Variants in PAPPA2 observed in about 807,000 individuals in gnomAD.
PAPPA2 encodes pappalysin-2.
In PAPPA2, 86 loss-of-function variants were observed where a neutral mutation model predicts 176.4. The observed-to-expected ratio is 0.49, with a 90% CI of 0.41 to 0.58. The LOEUF (loss-of-function observed/expected upper bound fraction) is 0.58, where lower values mean the gene tolerates loss of function less well. PAPPA2 is among the 20% of genes least tolerant of loss of function. The pLI is 0.00. For missense variants in PAPPA2, 2,073 were observed against 2,256.9 expected (o/e 0.92, Z 1.65); for synonymous variants, 809 against 852.2 (o/e 0.95, Z 0.88).
chr1:176,623,655 CTTTCTTTCTTTCTT>C (rs879399660), intron 3 of PAPPA2, among the ~76,000 whole-genome samples: 3,142 of 132,330 alleles, frequency 0.024, 67 homozygotes, highest in Middle Eastern at 0.038. Context: ...TTCTTTCTTT[CTTTCTTTCTTTCTT>C]TTTCTTTCTT....
chr1:176,593,808 G>A (rs886338805), intron 2 of PAPPA2, among the ~76,000 whole-genome samples: 2 of 152,214 alleles, frequency 1.3e-5, no homozygotes, highest in African/African-American at 2.4e-5. Flanking sequence ...TACTGCGGTG[G>A]GTGGTATTGG....
At chr1:176,641,131 T>G (rs1459330341) in intron 3 of PAPPA2, among the ~76,000 whole-genome samples, 14 of 151,154 alleles carry the variant, frequency 9.3e-5, no homozygotes, top group South Asian at 2.1e-4. Context: ...TTTCTCCCAT[T>G]TTGTAGGTTG....
chr1:176,845,514 T>G lies in PAPPA2; in HGVS notation c.*3060T>G, dbSNP rs1667630888. ...TGATTGGGAATGTAGTGAAAGGAGC[T>G]GATCTACTGTATTGTAATGTAAAAC... On this transcript the variant is annotated 3_prime_UTR_variant, in exon 23 of 23. Coordinates refer to ENST00000367662, the MANE Select transcript of PAPPA2 (RefSeq NM_020318.3). The G allele has an allele frequency of 6.6e-6, 1 of 152,228 alleles. No homozygotes were observed. 9.4% of individuals were successfully genotyped at this position (152,228 alleles called of 1,614,324 possible).
At chr1:176,833,048 C>A (rs1005780373) in intron 21 of PAPPA2, among the ~76,000 whole-genome samples, 2 of 152,174 alleles carry the variant, frequency 1.3e-5, no homozygotes, top group Non-Finnish European at 2.9e-5. Flanking sequence ...TGAGAGGCCA[C>A]ACAAGTAGAC....
intron 12 of PAPPA2, among the ~76,000 whole-genome samples, chr1:176,733,592 A>G (rs1662262556): frequency 6.6e-6 from 1 of 152,108 alleles, no homozygotes; most frequent in African/African-American, 2.4e-5. Context: ...TGGGATAGCA[A>G]TGTTTTTTTA....
In PAPPA2 at chr1:176,690,150, C is replaced by T; in HGVS notation, c.2151C>T (p.Leu717=). 6.2e-7 allele frequency: 1 copy of T among 1,607,914 alleles called. No homozygotes were observed. Among genetic ancestry groups the T allele is most frequent in the Non-Finnish European group, 8.5e-7 (1 of 1,174,994 alleles). The change falls in exon 5 of 23, where the codon CTC becomes CTT. Residue 717 remains leucine (L), a synonymous_variant. Transcript: ENST00000367662. ...CTTTCATTGCAGGTGGCATTGTCCT[C>T]AGCCCAGCATATTATGGGATGCCTG... is the stretch of plus-strand genomic sequence containing the variant. ...DAVTHLGGIV[L]SPAYYGMPGH... is the part of the protein sequence containing the mutation.
At chr1:176,838,541 T>C (rs972799523) in intron 21 of PAPPA2, among the ~76,000 whole-genome samples, 6 of 152,214 alleles carry the variant, frequency 3.9e-5, no homozygotes, top group African/African-American at 1.4e-4. Context: ...TCCGTAGATG[T>C]ATCCAGTCAT....
At chr1:176,747,294 T>A (rs1383949449) in intron 14 of PAPPA2, among the ~76,000 whole-genome samples, 2 of 152,228 alleles carry the variant, frequency 1.3e-5, no homozygotes, top group East Asian at 3.8e-4. Context: ...ACTTGTAAAT[T>A]CAGGCTCCAA....
chr1:176,583,670 C>T (rs1433119894), intron 2 of PAPPA2, among the ~76,000 whole-genome samples: 3 of 152,146 alleles, frequency 2.0e-5, no homozygotes, highest in African/African-American at 7.2e-5. Context: ...AACTCCTGGG[C>T]TCAAGTGAGC....
intron 2 of PAPPA2, among the ~76,000 whole-genome samples, chr1:176,577,289 C>T (rs1383436557): frequency 6.6e-6 from 1 of 152,164 alleles, no homozygotes; most frequent in Non-Finnish European, 1.5e-5. Flanking sequence ...GCTCTCCCTG[C>T]AAATCTGCTT....
At chr1:176,722,515 A>G (rs1558542611) in intron 12 of PAPPA2, among the ~76,000 whole-genome samples, 1 of 150,514 alleles carries the variant, frequency 6.6e-6, no homozygotes, top group Non-Finnish European at 1.5e-5. Flanking sequence ...CCACATTGAC[A>G]GTCTTTGAAG....
chr1:176,529,980 A>G (rs149089412), intron 1 of PAPPA2, among the ~76,000 whole-genome samples: 6 of 152,298 alleles, frequency 3.9e-5, no homozygotes, highest in African/African-American at 1.4e-4. Flanking sequence ...CCAAAGCTTA[A>G]TGTACAGGGA....
chr1:176,576,822 C>T (rs140387851), intron 2 of PAPPA2, among the ~76,000 whole-genome samples: 61 of 152,132 alleles, frequency 4.0e-4, no homozygotes, highest in East Asian at 2.1e-3. Flanking sequence ...GCTCCAGACT[C>T]GTCTTTCCGG....
At chr1:176,685,438 T>G (rs1659791741) in intron 4 of PAPPA2, among the ~76,000 whole-genome samples, 1 of 152,206 alleles carries the variant, frequency 6.6e-6, no homozygotes, top group Non-Finnish European at 1.5e-5. Context: ...GAGAGAAGCT[T>G]CTGCCCATTG....
chr1:176,595,295 G>T lies in PAPPA2; in HGVS notation c.1691G>T (p.Ser564Ile). ...GAGGCCTTCAGCCGCTACAACATCA[G>T]CTGGCAGCTGAGCGTCCACCAGGTC... ...LNEAFSRYNI[S>I]WQLSVHQVHN... Residue 564 changes from serine (S) to isoleucine (I), a missense_variant, in exon 3 of 23, where the codon AGC becomes ATC. Around this residue, in one of 4 missense-constraint regions of PAPPA2, gnomAD observed 1,196 missense variants for 1,330.4 expected, o/e 0.90. Transcript: ENST00000367662. The T allele has an allele frequency of 5.0e-6, 8 of 1,614,220 alleles. No individual in the cohort carries two copies. Among genetic ancestry groups the T allele is most frequent in the Non-Finnish European group, 6.8e-6 (8 of 1,180,042 alleles).
At chr1:176,569,902 T>C (rs1310854855) in intron 2 of PAPPA2, among the ~76,000 whole-genome samples, 3 of 152,180 alleles carry the variant, frequency 2.0e-5, no homozygotes, top group Non-Finnish European at 2.9e-5. Flanking sequence ...AAGGAGGAGT[T>C]ATCCTTACCT....
At chr1:176,558,252 T>G (rs1452700634) in intron 2 of PAPPA2, among the ~76,000 whole-genome samples, 1 of 152,156 alleles carries the variant, frequency 6.6e-6, no homozygotes, top group South Asian at 2.1e-4. Context: ...TGTTTTCCAG[T>G]CCCATTATAT....
chr1:176,506,392 G>A (rs192411005), intron 1 of PAPPA2, among the ~76,000 whole-genome samples: 45 of 151,770 alleles, frequency 3.0e-4, no homozygotes, highest in Admixed American at 1.5e-3. Flanking sequence ...TGTGAAGAAT[G>A]ACATTGCTAG....
chr1:176,765,239 T>G (rs1663911056), intron 14 of PAPPA2, among the ~76,000 whole-genome samples: 1 of 152,318 alleles, frequency 6.6e-6, no homozygotes, highest in African/African-American at 2.4e-5. Context: ...TTTGAAAGAT[T>G]CATGCCTGAC....
Sources: gnomAD v4.1 joint callset for allele counts (sites outside exome capture counted in the v4.1 genomes callset) on GRCh38, gnomAD v4.1.1 for gene constraint, gnomAD v4.1.1 regional missense constraint, MANE v1.5 for transcripts, NCBI Gene and HGNC (gene_info 2026-07-23, HGNC 2026-07-21) for gene names.